BCAS4: variants seen among roughly 807,000 people sequenced by gnomAD.
The protein encoded by BCAS4 is breast carcinoma-amplified sequence 4.
A neutral mutation model predicts 15.7 loss-of-function variants in BCAS4; 9 were observed. The ratio of observed to expected loss-of-function variants is 0.57; its 90% CI spans 0.34 to 1.00. BCAS4 has a LOEUF of 1.00. Ranked by LOEUF, BCAS4 falls within the 50% of genes least tolerant of loss-of-function variation. BCAS4 has a pLI of 0.02. For missense variants in BCAS4, 225 were observed against 239.1 expected (o/e 0.94, Z 0.39); for synonymous variants, 101 against 99.5 (o/e 1.02, Z -0.09).
chr20:50,824,017 C>G (rs1343412077), intron 2 of BCAS4, among the ~76,000 whole-genome samples: 1 of 152,092 alleles, frequency 6.6e-6, no homozygotes, highest in African/African-American at 2.4e-5. Context: ...ATAAATAGCA[C>G]AGTGCTATTT....
At chr20:50,834,376 A>AC (rs2088382171) in intron 3 of BCAS4, among the ~76,000 whole-genome samples, 1 of 148,280 alleles carries the variant, frequency 6.7e-6, no homozygotes, top group Non-Finnish European at 1.5e-5. Flanking sequence ...GCTCACTGCA[A>AC]CCTCTGCCTC....
Position 50,801,989 on chromosome 20 carries a change from G to C in BCAS4, c.90+6816G>C, listed in dbSNP as rs868866025. On this transcript the variant is annotated intron_variant, in intron 1 of 4. Coordinates refer to ENST00000371608, the MANE Select transcript of BCAS4 (RefSeq NM_198799.4). Reference sequence around the variant, plus strand: ...GGCCACACCAGGGCCTGGGTCCCCAGGGGGGGAGTCTGAATTCTGTTCTAG... The same window carrying C: ...GGCCACACCAGGGCCTGGGTCCCCACGGGGGGAGTCTGAATTCTGTTCTAG... 5.3e-5 allele frequency among the ~76,000 whole-genome samples: 8 copies of C among 151,856 alleles called. No homozygotes were observed. In the East Asian group the frequency reaches 5.8e-4, roughly 11 times the overall value.
At chr20:50,881,108 C>T (rs145777993), downstream of BCAS4, 2 of 152,182 alleles carry the variant, frequency 1.3e-5, no homozygotes, top group Non-Finnish European at 2.9e-5. Flanking sequence ...TGGTGCTTGC[C>T]TATAGACCCA....
At chr20:50,811,533 C>T (rs2088062702) in intron 1 of BCAS4, among the ~76,000 whole-genome samples, 1 of 152,088 alleles carries the variant, frequency 6.6e-6, no homozygotes, top group South Asian at 2.1e-4. Context: ...CAGTTATTCC[C>T]TCCTCTCCCT....
At chr20:50,831,419 G>A (rs6020781) in intron 3 of BCAS4, among the ~76,000 whole-genome samples, 12,863 of 150,450 alleles carry the variant, frequency 0.085, 890 homozygotes, top group African/African-American at 0.19. Context: ...TCTCAAAAAA[G>A]AAAAAAAAAT....
chr20:50,863,220 C>G (rs1367090035), intron 4 of BCAS4, among the ~76,000 whole-genome samples: 1 of 140,644 alleles, frequency 7.1e-6, no homozygotes, highest in Admixed American at 7.2e-5. Context: ...CATGGTAGGT[C>G]AGGTTTTCTT....
chr20:50,850,904 G>A (rs1978375271), intron 4 of BCAS4, among the ~76,000 whole-genome samples: 1 of 152,236 alleles, frequency 6.6e-6, no homozygotes, highest in African/African-American at 2.4e-5. Flanking sequence ...GAAGGCTGGA[G>A]AGGATTTTCA....
intron 4 of BCAS4, among the ~76,000 whole-genome samples, chr20:50,871,704 G>A (rs1299928994): frequency 1.3e-5 from 2 of 152,230 alleles, no homozygotes; most frequent in African/African-American, 2.4e-5. Context: ...CCTTCTGTGC[G>A]GGGTTCATTC....
chr20:50,825,617 C>A (rs1186830395), intron 2 of BCAS4, among the ~76,000 whole-genome samples: 1 of 152,234 alleles, frequency 6.6e-6, no homozygotes, highest in African/African-American at 2.4e-5. Flanking sequence ...TGGCTCATGC[C>A]TGTAATTCCA....
chr20:50,812,263 G>C (rs1437780700), intron 1 of BCAS4, among the ~76,000 whole-genome samples: 1 of 151,868 alleles, frequency 6.6e-6, no homozygotes, highest in Non-Finnish European at 1.5e-5. Flanking sequence ...CTCCCGAGTA[G>C]CTGGGACTAC....
intron 2 of BCAS4, among the ~76,000 whole-genome samples, chr20:50,827,275 ATTT>A (rs1199044460): frequency 2.6e-5 from 4 of 152,046 alleles, no homozygotes; most frequent in Admixed American, 6.6e-5. Flanking sequence ...AGGTCCCTCG[ATTT>A]TTGTGATGTT....
chr20:50,834,292 CTTTTTTTTTTTT>C (rs74175526), intron 3 of BCAS4, among the ~76,000 whole-genome samples: 2 of 121,102 alleles, frequency 1.7e-5, no homozygotes, highest in Non-Finnish European at 3.4e-5. Flanking sequence ...TCGAACTCTT[CTTTTTTTTTTTT>C]TTTTTTTTTG....
intron 4 of BCAS4, among the ~76,000 whole-genome samples, chr20:50,862,012 C>G (rs1441913740): frequency 1.3e-5 from 2 of 151,868 alleles, no homozygotes; most frequent in African/African-American, 4.8e-5. Flanking sequence ...TGCCACCATG[C>G]TTGGCTAATT....
At chr20:50,830,583 C>T (rs1330431086) in intron 3 of BCAS4, among the ~76,000 whole-genome samples, 1 of 152,240 alleles carries the variant, frequency 6.6e-6, no homozygotes, top group Non-Finnish European at 1.5e-5. Context: ...GGTGCAGTGG[C>T]TCATGCCTGT....
intron 1 of BCAS4, among the ~76,000 whole-genome samples, chr20:50,807,970 T>C (rs1348555432): frequency 1.3e-5 from 2 of 150,504 alleles, no homozygotes; most frequent in Non-Finnish European, 2.9e-5. Context: ...TGCAGTGGCG[T>C]GATCTCGGCT....
intron 3 of BCAS4, among the ~76,000 whole-genome samples, chr20:50,831,980 C>T (rs550877931): frequency 6.6e-5 from 10 of 152,314 alleles, no homozygotes; most frequent in Admixed American, 5.2e-4. Flanking sequence ...TTATTCCACA[C>T]GTTTGAAAGA....
intron 2 of BCAS4, among the ~76,000 whole-genome samples, chr20:50,818,518 C>T (rs2088170261): frequency 6.6e-6 from 1 of 152,234 alleles, no homozygotes; most frequent in South Asian, 2.1e-4. Flanking sequence ...TCGTCCTTCC[C>T]TCGAGATGGT....
intron 1 of BCAS4, among the ~76,000 whole-genome samples, chr20:50,797,970 C>A (rs541256780): frequency 6.6e-6 from 1 of 151,982 alleles, no homozygotes; most frequent in East Asian, 2.0e-4. Flanking sequence ...TGGCCACCTA[C>A]GCAATTTTTA....
chr20:50,837,015 A>G (rs2088417969), intron 3 of BCAS4, among the ~76,000 whole-genome samples: 1 of 152,258 alleles, frequency 6.6e-6, no homozygotes, highest in East Asian at 1.9e-4. Context: ...GCCAACAAAA[A>G]CTAGTACTTT....
Sources: gnomAD v4.1 joint callset for allele counts (sites outside exome capture counted in the v4.1 genomes callset) on GRCh38, gnomAD v4.1.1 for gene constraint, MANE v1.5 for transcripts, NCBI Gene and HGNC (gene_info 2026-07-23, HGNC 2026-07-21) for gene names.